Variants in PLEKHA5 observed in about 807,000 individuals in gnomAD.
PLEKHA5 encodes pleckstrin homology domain-containing family A member 5.
PLEKHA5 carries 55 observed loss-of-function variants against 181.9 expected under a neutral mutation model. The observed-to-expected ratio is 0.30, with a 90% CI of 0.24 to 0.38. The LOEUF (loss-of-function observed/expected upper bound fraction) is 0.38. Ranked by LOEUF, PLEKHA5 falls within the 10% of genes least tolerant of loss-of-function variation. The probability of loss-of-function intolerance (pLI) is 1.00; values close to 1 mark genes in which losing one functional copy is unlikely to be tolerated. For missense variants in PLEKHA5, 1,432 were observed against 1,549.5 expected (o/e 0.92, Z 1.27); for synonymous variants, 535 against 529.4 (o/e 1.01, Z -0.15).
At chr12:19,136,540 C>T (rs769988178) in intron 3 of PLEKHA5, among the ~76,000 whole-genome samples, 9 of 152,120 alleles carry the variant, frequency 5.9e-5, no homozygotes, top group Non-Finnish European at 1.3e-4. Flanking sequence ...CTTAATGATT[C>T]TGTAATGACA....
intron 15 of PLEKHA5, among the ~76,000 whole-genome samples, chr12:19,305,171 T>G (rs1206841079): frequency 2.0e-5 from 3 of 152,192 alleles, no homozygotes; most frequent in Non-Finnish European, 4.4e-5. Flanking sequence ...GTAACCCATT[T>G]CCAGCCCATG....
intron 15 of PLEKHA5, among the ~76,000 whole-genome samples, chr12:19,299,839 G>A (rs544536448): frequency 6.6e-6 from 1 of 152,238 alleles, no homozygotes; most frequent in South Asian, 2.1e-4. Context: ...AGCCAACTCA[G>A]GAAATGTCAC....
intron 3 of PLEKHA5, among the ~76,000 whole-genome samples, chr12:19,242,130 G>A (rs1235911966): frequency 6.6e-6 from 1 of 152,126 alleles, no homozygotes; most frequent in Non-Finnish European, 1.5e-5. Context: ...GGATGTGATA[G>A]GTACATTTTA....
At chr12:19,162,936 T>A (rs1030331879) in intron 3 of PLEKHA5, among the ~76,000 whole-genome samples, 4 of 152,184 alleles carry the variant, frequency 2.6e-5, no homozygotes, top group African/African-American at 9.7e-5. Context: ...GACTCTAGAC[T>A]AGTCTAGTGT....
intron 7 of PLEKHA5, among the ~76,000 whole-genome samples, chr12:19,263,704 C>A (rs372327074): frequency 6.6e-6 from 1 of 151,968 alleles, no homozygotes; most frequent in Admixed American, 6.6e-5. Flanking sequence ...GGCTCTTGTC[C>A]CAGCTCATCT....
chr12:19,207,083 A>G (rs948527485), intron 3 of PLEKHA5, among the ~76,000 whole-genome samples: 3 of 152,172 alleles, frequency 2.0e-5, no homozygotes, highest in Admixed American at 6.5e-5. Flanking sequence ...TATAAAATCT[A>G]TAAAGTCCTC....
chr12:19,313,147 G>T (rs1368342403), intron 15 of PLEKHA5, among the ~76,000 whole-genome samples: 2 of 152,148 alleles, frequency 1.3e-5, no homozygotes, highest in Admixed American at 6.5e-5. Flanking sequence ...GGATGAGCCA[G>T]GAGGATTGCT....
In PLEKHA5 at chr12:19,251,322, C is replaced by T. The variant is rs2065210502; in HGVS notation, c.228-2618C>T. Among the ~76,000 whole-genome samples the T allele has an allele frequency of 2.0e-5, 3 of 151,352 alleles. No individual in the cohort carries two copies. The South Asian group carries it at 6.2e-4, about 32-fold the overall frequency. ...CTTGGGAGGCTGAGGCAGGAGGATC[C>T]TTTGAACCCAGGAGGCAGAGGTTGC... On this transcript the variant is annotated intron_variant, in intron 3 of 31. Transcript: ENST00000429027.
rs77281392 is a variant in PLEKHA5 at position 19,176,335 on chromosome 12, C to T, written c.227+43885C>T. Reference sequence around the variant, plus strand: ...GCCGAGGCTGGAGTGTAGTGCTGTTCGCGGGCACAATCCCTCTAGTGATCA... The same window carrying T: ...GCCGAGGCTGGAGTGTAGTGCTGTTTGCGGGCACAATCCCTCTAGTGATCA... On this transcript the variant is annotated intron_variant, in intron 3 of 31. Coordinates refer to ENST00000429027, the MANE Select transcript of PLEKHA5 (RefSeq NM_001256470.2). 1.5e-4 allele frequency: 23 copies of T among 148,634 alleles called. No homozygotes were observed. In the East Asian group the frequency reaches 3.8e-3, roughly 24 times the overall value. 9.2% of individuals were successfully genotyped at this position (148,634 alleles called of 1,614,324 possible).
intron 10 of PLEKHA5, among the ~76,000 whole-genome samples, chr12:19,274,098 A>G (rs980980516): frequency 1.3e-5 from 2 of 152,214 alleles, no homozygotes; most frequent in Non-Finnish European, 1.5e-5. Flanking sequence ...AGCCATTTCC[A>G]CAACCAGACT....
At chr12:19,307,793 T>TA (rs2084608384) in intron 15 of PLEKHA5, among the ~76,000 whole-genome samples, 1 of 151,004 alleles carries the variant, frequency 6.6e-6, no homozygotes, top group South Asian at 2.1e-4. Flanking sequence ...CCCAGAAAGT[T>TA]ACAGCACGGC....
At chr12:19,138,988 A>G (rs978792300) in intron 3 of PLEKHA5, among the ~76,000 whole-genome samples, 1 of 152,116 alleles carries the variant, frequency 6.6e-6, no homozygotes, top group African/African-American at 2.4e-5. Flanking sequence ...GGGAGATTTC[A>G]ATACAGGCAG....
intron 3 of PLEKHA5, among the ~76,000 whole-genome samples, chr12:19,234,601 A>T (rs958411688): frequency 6.6e-6 from 1 of 152,214 alleles, no homozygotes; most frequent in South Asian, 2.1e-4. Flanking sequence ...CCTGGCAGCC[A>T]TATGCAGAAC....
intron 7 of PLEKHA5, among the ~76,000 whole-genome samples, chr12:19,263,118 A>G (rs2069042404): frequency 6.6e-6 from 1 of 152,214 alleles, no homozygotes. Flanking sequence ...TCAATAAGAA[A>G]TATTAGATTT....
chr12:19,246,166 G>A (rs1277816467), intron 3 of PLEKHA5, among the ~76,000 whole-genome samples: 6 of 151,398 alleles, frequency 4.0e-5, no homozygotes, highest in African/African-American at 7.3e-5. Flanking sequence ...TTTTAGTAGA[G>A]ACGGGGTTTC....
intron 3 of PLEKHA5, among the ~76,000 whole-genome samples, chr12:19,160,233 AAGTTCATGTT>A (rs2042667687): frequency 6.6e-6 from 1 of 152,082 alleles, no homozygotes; most frequent in Non-Finnish European, 1.5e-5. Context: ...TTTTAAGATA[AAGTTCATGTT>A]ATTGAACACT....
intron 15 of PLEKHA5, chr12:19,303,389 G>A (rs1419301583): frequency 6.6e-6 from 1 of 152,254 alleles, no homozygotes; most frequent in African/African-American, 2.4e-5. Flanking sequence ...TTTACCTCAT[G>A]AGTTAGAATA....
intron 3 of PLEKHA5, among the ~76,000 whole-genome samples, chr12:19,234,978 A>G (rs2061198167): frequency 6.6e-6 from 1 of 152,186 alleles, no homozygotes; most frequent in South Asian, 2.1e-4. Flanking sequence ...GAACTGTGGA[A>G]AAGTTGTTTC....
intron 8 of PLEKHA5, among the ~76,000 whole-genome samples, chr12:19,269,221 C>G (rs1290065167): frequency 1.3e-5 from 2 of 151,974 alleles, no homozygotes; most frequent in African/African-American, 4.8e-5. Flanking sequence ...AACCCCGTCT[C>G]TACTAAAATA....
Sources: allele counts gnomAD v4.1 joint callset (sites outside exome capture counted in the v4.1 genomes callset), GRCh38; gene constraint gnomAD v4.1.1; transcripts MANE v1.5; gene names NCBI Gene and HGNC (gene_info 2026-07-23, HGNC 2026-07-21).